The following SLC4A10 variants were observed in gnomAD, a reference collection of about 807,000 sequenced individuals.
SLC4A10 encodes sodium-driven chloride bicarbonate exchanger.
A neutral mutation model predicts 137.7 loss-of-function variants in SLC4A10; 42 were observed. The ratio of observed to expected loss-of-function variants is 0.30; its 90% CI spans 0.24 to 0.39. The LOEUF (loss-of-function observed/expected upper bound fraction) is 0.39, where lower values mean the gene tolerates loss of function less well. Among genes scored for constraint, SLC4A10 ranks in the 10% least tolerant of loss-of-function variants. The pLI is 1.00. For missense variants in SLC4A10, 925 were observed against 1,355.0 expected (o/e 0.68, Z 4.98); for synonymous variants, 474 against 464.1 (o/e 1.02, Z -0.27).
At chr2:161,890,344 G>T (rs531462928) in intron 10 of SLC4A10, among the ~76,000 whole-genome samples, 22 of 152,188 alleles carry the variant, frequency 1.4e-4, no homozygotes, top group African/African-American at 5.3e-4. Context: ...GAATATCCTT[G>T]TTGATTTTTC....
At chr2:161,933,578 G>C (rs1691014321) in intron 15 of SLC4A10, among the ~76,000 whole-genome samples, 1 of 152,018 alleles carries the variant, frequency 6.6e-6, no homozygotes, top group Admixed American at 6.6e-5. Context: ...ATTTGTTATA[G>C]AGACAACATT....
In SLC4A10 at chr2:161,936,712, A is replaced by G. The variant is rs541565546; in HGVS notation, c.1998-6080A>G. On this transcript the variant is annotated intron_variant, in intron 15 of 26. Coordinates refer to ENST00000446997, the MANE Select transcript of SLC4A10 (RefSeq NM_001178015.2). ...TAGCTCAACATTTGTTGATTTTGTT[A>G]TTATTTCAAAACACCAACCTTTAGT... Among the ~76,000 whole-genome samples, 21 of 151,862 alleles carry G rather than the reference A, an allele frequency of 1.4e-4. 1 individual carries two copies. The South Asian group carries it at 4.4e-3, about 32-fold the overall frequency.
chr2:161,934,042 G>T (rs1391593872), intron 15 of SLC4A10, among the ~76,000 whole-genome samples: 1 of 152,102 alleles, frequency 6.6e-6, no homozygotes, highest in African/African-American at 2.4e-5. Flanking sequence ...CACACAGTAA[G>T]TGTGTATATG....
At chr2:161,799,001 A>G (rs73019294) in intron 2 of SLC4A10, among the ~76,000 whole-genome samples, 3,756 of 151,078 alleles carry the variant, frequency 0.025, 118 homozygotes, top group African/African-American at 0.067. Flanking sequence ...TAAACTCTGA[A>G]TAAATTCTAG....
At chr2:161,952,049 T>G (rs1694896097) in intron 19 of SLC4A10, among the ~76,000 whole-genome samples, 1 of 152,184 alleles carries the variant, frequency 6.6e-6, no homozygotes, top group Non-Finnish European at 1.5e-5. Flanking sequence ...AGCCATATAA[T>G]TATTATTTAC....
chr2:161,735,567 C>G (rs975589174), intron 1 of SLC4A10, among the ~76,000 whole-genome samples: 1 of 152,136 alleles, frequency 6.6e-6, no homozygotes, highest in Admixed American at 6.6e-5. Context: ...TCTTAAATAA[C>G]TATATGGCAT....
At chr2:161,696,876 G>A (rs560651652) in intron 1 of SLC4A10, among the ~76,000 whole-genome samples, 31 of 152,172 alleles carry the variant, frequency 2.0e-4, no homozygotes, top group Middle Eastern at 3.4e-3. Flanking sequence ...TTGAGGAATC[G>A]CCACACTGTC....
chr2:161,843,159 T>C (rs2059288068), intron 4 of SLC4A10, among the ~76,000 whole-genome samples: 1 of 152,208 alleles, frequency 6.6e-6, no homozygotes, highest in African/African-American at 2.4e-5. Context: ...TTTTTCATCT[T>C]ACAGATCAAA....
chr2:161,721,627 T>G (rs964239005), intron 1 of SLC4A10, among the ~76,000 whole-genome samples: 1 of 152,188 alleles, frequency 6.6e-6, no homozygotes, highest in Non-Finnish European at 1.5e-5. Flanking sequence ...ATTTTTTCCT[T>G]CATTTCTACC....
At chr2:161,771,222 AG>A (rs2051556769) in intron 2 of SLC4A10, among the ~76,000 whole-genome samples, 168 bp downstream of exon 2, 1 of 151,918 alleles carries the variant, frequency 6.6e-6, no homozygotes, top group African/African-American at 2.4e-5. Flanking sequence ...GAATGTCAAT[AG>A]GCAGACCTGA....
Position 161,694,264 on chromosome 2 carries a change from G to A in SLC4A10, c.48+69698G>A, listed in dbSNP as rs889462229. Among the ~76,000 whole-genome samples the A allele has an allele frequency of 9.2e-5, 14 of 152,050 alleles. No individual in the cohort carries two copies. In the South Asian group the frequency reaches 1.7e-3, roughly 18 times the overall value. ...TGGAAGACCTCATTAATTAAGACAA[G>A]GATTGAGACACCTTAACTCCCTCAA... On this transcript the variant is annotated intron_variant, in intron 1 of 26. Coordinates refer to ENST00000446997, the MANE Select transcript of SLC4A10 (RefSeq NM_001178015.2).
Position 161,947,675 on chromosome 2 carries a change from C to G in SLC4A10, c.2213C>G (p.Thr738Ser). 1.9e-6 allele frequency: 3 copies of G among 1,613,266 alleles called. No individual in the cohort carries two copies. The highest frequency in any genetic ancestry group is 2.5e-6 in the Non-Finnish European group (3 of 1,179,360). The change falls in exon 17 of 27, where the codon ACT becomes AGT. Residue 738 changes from threonine (T) to serine (S), a missense_variant. This residue lies in a region of SLC4A10 where 82 missense variants were observed against 151.4 expected (regional missense o/e 0.54). Transcript: ENST00000446997. ...GTGATCCTGTTCTTTTCCACAGTTACTCTGTCAGCCACCCTGAAGCAGTTC... is the reference window on the plus strand; with the variant it reads ...GTGATCCTGTTCTTTTCCACAGTTAGTCTGTCAGCCACCCTGAAGCAGTTC... ...WSVILFFSTV[T>S]LSATLKQFKT...
At chr2:161,823,994 G>A (rs2057839299) in intron 3 of SLC4A10, among the ~76,000 whole-genome samples, 1 of 152,188 alleles carries the variant, frequency 6.6e-6, no homozygotes, top group South Asian at 2.1e-4. Flanking sequence ...TGTACTAAAA[G>A]GCCTGGACAA....
intron 1 of SLC4A10, among the ~76,000 whole-genome samples, chr2:161,681,738 A>C (rs924935933): frequency 6.6e-6 from 1 of 152,034 alleles, no homozygotes; most frequent in African/African-American, 2.4e-5. Flanking sequence ...TTACATTTTA[A>C]TCTTCTGATG....
chr2:161,632,914 C>G (rs2033820385), intron 1 of SLC4A10, among the ~76,000 whole-genome samples: 1 of 151,544 alleles, frequency 6.6e-6, no homozygotes, highest in Non-Finnish European at 1.5e-5. Flanking sequence ...GCCTTTTTAA[C>G]AATAAATCAT....
chr2:161,817,241 C>T (rs1311380806), intron 3 of SLC4A10, among the ~76,000 whole-genome samples: 2 of 152,198 alleles, frequency 1.3e-5, no homozygotes, highest in Admixed American at 6.5e-5. Context: ...TGATGATGAG[C>T]ATTTTTTCAT....
chr2:161,968,882 T>A (rs1698046772), intron 23 of SLC4A10, among the ~76,000 whole-genome samples: 2 of 152,208 alleles, frequency 1.3e-5, no homozygotes, highest in African/African-American at 4.8e-5. Context: ...TTTGCCCGGA[T>A]CTTGGTATTC....
At chr2:161,733,296 T>TA (rs1204649899) in intron 1 of SLC4A10, among the ~76,000 whole-genome samples, 2 of 152,154 alleles carry the variant, frequency 1.3e-5, no homozygotes, top group Non-Finnish European at 1.5e-5. Flanking sequence ...GTATGCAGCC[T>TA]AGGGACTTCA....
chr2:161,700,818 G>T (rs1039471351), intron 1 of SLC4A10, among the ~76,000 whole-genome samples: 1 of 152,016 alleles, frequency 6.6e-6, no homozygotes, highest in Non-Finnish European at 1.5e-5. Flanking sequence ...AACAGGTTCT[G>T]CTCTACGCGC....
Sources: gnomAD v4.1 joint callset for allele counts (sites outside exome capture counted in the v4.1 genomes callset) on GRCh38, gnomAD v4.1.1 for gene constraint, gnomAD v4.1.1 regional missense constraint, MANE v1.5 for transcripts, NCBI Gene and HGNC (gene_info 2026-07-23, HGNC 2026-07-21) for gene names.